Variants in SLC35F4 observed in about 807,000 individuals in gnomAD.
SLC35F4 encodes solute carrier family 35 member F4.
In SLC35F4, 24 loss-of-function variants were observed where a neutral mutation model predicts 44.2. The ratio of observed to expected loss-of-function variants is 0.54; its 90% CI spans 0.39 to 0.76. SLC35F4 has a LOEUF of 0.76. Among genes scored for constraint, SLC35F4 ranks in the 30% least tolerant of loss-of-function variants. The pLI is 0.00. For missense variants in SLC35F4, 562 were observed against 586.1 expected, an observed-to-expected ratio of 0.96 and a Z score of 0.42; for synonymous variants, 238 against 223.6, an observed-to-expected ratio of 1.06 and a Z score of -0.57.
intron 1 of SLC35F4, among the ~76,000 whole-genome samples, chr14:57,921,387 ACAACATG>A (rs914187681): frequency 2.0e-5 from 3 of 152,224 alleles, no homozygotes; most frequent in Non-Finnish European, 4.4e-5. Context: ...TCCTCCTTCC[ACAACATG>A]CTAGCTGTAT....
chr14:57,571,766 ATTTAC>A, intron 5 of SLC35F4, 123 bp downstream of exon 5: 1 of 1,323,838 alleles, frequency 7.6e-7, no homozygotes. Flanking sequence ...CAAGTAGTTA[ATTTAC>A]TTACTATTAT....
At chr14:57,618,210 G>A (rs1595065664) in intron 1 of SLC35F4, among the ~76,000 whole-genome samples, 1 of 152,262 alleles carries the variant, frequency 6.6e-6, no homozygotes, top group East Asian at 1.9e-4. Context: ...TGTATATTTG[G>A]CATAAAGAAT....
chr14:57,584,894 A>G (rs1379425417), intron 3 of SLC35F4, among the ~76,000 whole-genome samples: 4 of 152,200 alleles, frequency 2.6e-5, no homozygotes, highest in East Asian at 1.9e-4. Flanking sequence ...CACACACTGT[A>G]CAGGTGCACA....
At chr14:57,687,005 G>A (rs2075087296) in intron 1 of SLC35F4, among the ~76,000 whole-genome samples, 1 of 152,056 alleles carries the variant, frequency 6.6e-6, no homozygotes, top group South Asian at 2.1e-4. Context: ...TATAACTGGT[G>A]TCCTTACAAG....
intron 1 of SLC35F4, among the ~76,000 whole-genome samples, chr14:57,733,211 G>C (rs749251349): frequency 3.9e-5 from 6 of 152,032 alleles, no homozygotes. Flanking sequence ...CTACTGATTT[G>C]GAAAGTACGT....
intron 1 of SLC35F4, among the ~76,000 whole-genome samples, chr14:57,740,999 A>G (rs1004037530): frequency 6.6e-6 from 1 of 152,196 alleles, no homozygotes; most frequent in Admixed American, 6.5e-5. Flanking sequence ...GCAAACTCCA[A>G]CAGATCTGCA....
chr14:57,745,985 A>G (rs1298382197), intron 1 of SLC35F4, among the ~76,000 whole-genome samples: 2 of 152,158 alleles, frequency 1.3e-5, no homozygotes, highest in Non-Finnish European at 2.9e-5. Context: ...TCGCAAGGAC[A>G]AAAAACCAAA....
chr14:57,707,542 T>G (rs2075707775), intron 1 of SLC35F4, among the ~76,000 whole-genome samples: 1 of 152,192 alleles, frequency 6.6e-6, no homozygotes, highest in Non-Finnish European at 1.5e-5. Context: ...TGAAGAACTA[T>G]GAGTCAATGA....
intron 1 of SLC35F4, among the ~76,000 whole-genome samples, chr14:57,934,866 T>G (rs994334826): frequency 3.9e-5 from 6 of 152,178 alleles, no homozygotes; most frequent in African/African-American, 1.4e-4. Flanking sequence ...CACAGAAGAA[T>G]GAGGGAGGAT....
chr14:57,675,730 C>A (rs574616251), intron 1 of SLC35F4, among the ~76,000 whole-genome samples: 141 of 152,104 alleles, frequency 9.3e-4, no homozygotes, highest in African/African-American at 3.1e-3. Context: ...TAAAGCAATG[C>A]TGGATTTTAG....
intron 1 of SLC35F4, among the ~76,000 whole-genome samples, chr14:57,717,734 ATAG>A (rs1197731783): frequency 3.3e-5 from 5 of 152,164 alleles, no homozygotes; most frequent in African/African-American, 1.2e-4. Context: ...TTGTGGGTAC[ATAG>A]TAGGTGTATA....
intron 1 of SLC35F4, among the ~76,000 whole-genome samples, chr14:57,672,724 A>G (rs2074558884): frequency 6.6e-6 from 1 of 152,010 alleles, no homozygotes; most frequent in South Asian, 2.1e-4. Context: ...TGAATAATGT[A>G]TATTCTTATT....
rs987245354 is a variant in SLC35F4 at position 57,698,097 on chromosome 14, A to C, written c.104-103973T>G. ...CACCTATCTCATAGAGATTCTTAAG[A>C]GAATTGAGTTAATATAAACTACTTA... On this transcript the variant is annotated intron_variant, in intron 1 of 7. Coordinates refer to ENST00000556826, the MANE Select transcript of SLC35F4 (RefSeq NM_001306087.2). Among the ~76,000 whole-genome samples the C allele has an allele frequency of 1.1e-4, 17 of 152,318 alleles. No individual in the cohort carries two copies. In the East Asian group the frequency reaches 2.9e-3, roughly 26 times the overall value.
intron 1 of SLC35F4, among the ~76,000 whole-genome samples, chr14:57,668,888 G>A (rs954765798): frequency 2.0e-5 from 3 of 152,038 alleles, no homozygotes; most frequent in Admixed American, 2.0e-4. Context: ...TAGCTTGATG[G>A]GGATGGCATT....
At chr14:57,980,631 G>A (rs899259268) in intron 1 of SLC35F4, among the ~76,000 whole-genome samples, 17 of 140,014 alleles carry the variant, frequency 1.2e-4, no homozygotes, top group South Asian at 7.0e-4. Context: ...GTTTGTGGGC[G>A]TACACATCAA....
intron 1 of SLC35F4, among the ~76,000 whole-genome samples, chr14:57,621,892 G>A: frequency 6.6e-6 from 1 of 150,512 alleles, no homozygotes; most frequent in Non-Finnish European, 1.5e-5. Context: ...CCCACAAAAT[G>A]GGAGAAAATT....
rs2068101038 is a variant in SLC35F4 at position 57,564,381 on chromosome 14, G to A, written c.1217-5C>T. 7 of 1,599,062 alleles carry A rather than the reference G, an allele frequency of 4.4e-6. No homozygotes were observed. The highest frequency in any genetic ancestry group is 1.7e-5 in the Admixed American group (1 of 57,906). On this transcript the variant is annotated splice_polypyrimidine_tract_variant and splice_region_variant and intron_variant, in intron 7 of 7. Transcript: ENST00000556826. ...CCTGCTTTAGGAGATCCACAGCTAG[G>A]AAAGAAAAATCAAGTCAGTCATTTC... is the stretch of plus-strand genomic sequence containing the variant.
intron 1 of SLC35F4, among the ~76,000 whole-genome samples, chr14:57,732,879 G>A (rs2076376782): frequency 6.6e-6 from 1 of 152,068 alleles, no homozygotes; most frequent in African/African-American, 2.4e-5. Context: ...CAAAATAAAA[G>A]ACTTGACTTC....
rs200325144 is a variant in SLC35F4, at chr14:57,751,588, G to C, written c.103+114135C>G. ...ATTTACTTTAAGTTGTGAAATCCTA[G>C]TGCTTCTAGACTGTGTTTTTTTTAC... On this transcript the variant is annotated intron_variant, in intron 1 of 7. Coordinates refer to ENST00000556826, the MANE Select transcript of SLC35F4 (RefSeq NM_001306087.2). Among the ~76,000 whole-genome samples the C allele has an allele frequency of 1.1e-4, 17 of 152,290 alleles. No individual in the cohort carries two copies. The East Asian group carries it at 2.5e-3, about 22-fold the overall frequency.
Sources: allele counts gnomAD v4.1 joint callset (sites outside exome capture counted in the v4.1 genomes callset), GRCh38; gene constraint gnomAD v4.1.1; transcripts MANE v1.5; gene names NCBI Gene and HGNC (gene_info 2026-07-23, HGNC 2026-07-21).